The following LTO1 variants were observed in gnomAD, a reference collection of about 807,000 sequenced individuals.
The protein encoded by LTO1 is LTO1 maturation factor of ABCE1, also known as protein LTO1 homolog.
Under a neutral mutation model 19.8 loss-of-function variants are expected in LTO1, and 18 were observed. The observed-to-expected ratio is 0.91, with a 90% CI of 0.63 to 1.35. The LOEUF is 1.35. Ranked by LOEUF, LTO1 falls within the 40% of genes most tolerant of loss-of-function variation. LTO1 has a pLI of 0.00. For synonymous variants in LTO1, 59 were observed against 59.6 expected (o/e 0.99, Z 0.05); for missense variants, 175 against 167.9 (o/e 1.04, Z -0.23).
At position 69,671,752 on chromosome 11, in the gene LTO1, T is replaced by C; in HGVS notation, c.224A>G (p.Asp75Gly). The change falls in exon 3 of 5, where the codon GAC becomes GGC. Residue 75 changes from aspartate (D) to glycine (G), a missense_variant. Asp to Gly is a moderately conservative substitution (Grantham distance 94). Coordinates refer to ENST00000279147, the MANE Select transcript of LTO1 (RefSeq NM_153451.3). ...AGAAAGACATCTCCACCTTTACCTG[T>C]CCTTCTCAGTGGTGCAACTGTGCAG... ...CLLHSCTTEK[D>G]SRKMKVLESL... 1.3e-6 allele frequency: 2 copies of C among 1,576,364 alleles called. No individual in the cohort carries two copies. Among genetic ancestry groups the C allele is most frequent in the South Asian group, 2.2e-5 (2 of 90,332 alleles).
intron 3 of LTO1, among the ~76,000 whole-genome samples, chr11:69,669,549 G>A (rs1856078658): frequency 6.6e-6 from 1 of 152,208 alleles, no homozygotes; most frequent in Admixed American, 6.5e-5. Context: ...CAAAACGTGG[G>A]AGGTGGCTGT....
chr11:69,668,455 C>T, intron 3 of LTO1: 1 of 161,362 alleles, frequency 6.2e-6, no homozygotes, highest in Non-Finnish European at 1.4e-5. Context: ...GCAAACCCCT[C>T]CCTCCAAAGG....
intron 3 of LTO1, chr11:69,668,215 A>G: frequency 1.9e-6 from 1 of 522,148 alleles, no homozygotes; most frequent in Non-Finnish European, 3.5e-6. Context: ...GTGCCTCGAC[A>G]GCAAGTGTGT....
At chr11:69,672,992 G>A in intron 2 of LTO1, 1 of 561,778 alleles carries the variant, frequency 1.8e-6, no homozygotes, top group Non-Finnish European at 3.3e-6. Flanking sequence ...AGTAGAGACA[G>A]GGTTTCACCA....
intron 3 of LTO1, among the ~76,000 whole-genome samples, chr11:69,669,672 C>T (rs575584403): frequency 2.6e-5 from 4 of 152,310 alleles, no homozygotes; most frequent in African/African-American, 9.6e-5. Context: ...AGGCGGCACA[C>T]GTCAGGCAGG....
Position 69,673,197 on chromosome 11 carries a change from G to C in LTO1, c.156+19C>G, listed in dbSNP as rs779808865. The C allele has an allele frequency of 7.6e-7, 1 of 1,317,432 alleles. No individual in the cohort carries two copies. Among genetic ancestry groups the C allele is most frequent in the South Asian group, 1.2e-5 (1 of 85,196 alleles). The allele number at this position is 1,317,432 out of a possible 1,614,324, so 81.6% of individuals were successfully genotyped here. ...TGTAAATGAAGAGGCTTCATCTCCA[G>C]ATGGGGGTTCCCACTTACCTCAGAC... On this transcript the variant is annotated intron_variant, in intron 2 of 4. Coordinates refer to ENST00000279147, the MANE Select transcript of LTO1 (RefSeq NM_153451.3).
intron 3 of LTO1, among the ~76,000 whole-genome samples, chr11:69,669,177 G>A (rs1233956204): frequency 1.3e-5 from 2 of 152,078 alleles, no homozygotes; most frequent in Non-Finnish European, 2.9e-5. Context: ...ATCCACACAT[G>A]TGTACATCTC....
intron 2 of LTO1, chr11:69,672,813 AT>A (rs1241342453): frequency 1.6e-5 from 5 of 307,880 alleles, no homozygotes; most frequent in African/African-American, 6.5e-5. Flanking sequence ...TTTTTTGTTT[AT>A]TTTTTGGAGA....
At chr11:69,670,694 A>C (rs927988994) in intron 3 of LTO1, among the ~76,000 whole-genome samples, 6 of 151,918 alleles carry the variant, frequency 3.9e-5, no homozygotes, top group Non-Finnish European at 8.8e-5. Context: ...AGAGTTACCC[A>C]CTCTCCTTGT....
intron 1 of LTO1, among the ~76,000 whole-genome samples, chr11:69,673,616 T>C (rs1464056683): frequency 1.3e-5 from 2 of 151,722 alleles, no homozygotes; most frequent in African/African-American, 4.8e-5. Flanking sequence ...TTCAAAGATA[T>C]TAACTCAAAA....
chr11:69,673,909 T>C (rs1048124224), intron 1 of LTO1, among the ~76,000 whole-genome samples: 3 of 151,838 alleles, frequency 2.0e-5, no homozygotes, highest in Non-Finnish European at 2.9e-5. Flanking sequence ...CAGGCTGGAG[T>C]GCAGTGGTGC....
intron 1 of LTO1, chr11:69,674,899 G>A: frequency 3.0e-6 from 2 of 666,322 alleles, no homozygotes; most frequent in Non-Finnish European, 5.5e-6. Flanking sequence ...AGAGGACGAG[G>A]CGGCCTCGGA....
chr11:69,673,476 C>A, intron 1 of LTO1, 155 bp from the exon 2 acceptor site: 1 of 596,720 alleles, frequency 1.7e-6, no homozygotes. Flanking sequence ...GATTCCAGTC[C>A]CAGATCTACC....
chr11:69,668,149 T>C, intron 3 of LTO1, 137 bp from the exon 4 acceptor site: 1 of 657,160 alleles, frequency 1.5e-6, no homozygotes, highest in Admixed American at 2.3e-5. Flanking sequence ...ATGATTATTT[T>C]CTCATTACAC....
intron 1 of LTO1, chr11:69,674,585 G>GT (rs2074309341): frequency 2.8e-6 from 1 of 360,846 alleles, no homozygotes; most frequent in Admixed American, 3.7e-5. Context: ...AGGGTGGAAC[G>GT]TTTAGCTCAG....
In LTO1 at chr11:69,667,362, A is replaced by T; in HGVS notation, c.*157T>A. 1.6e-6 allele frequency: 1 copy of T among 622,818 alleles called. No individual in the cohort carries two copies. 38.6% of individuals were successfully genotyped at this position (622,818 alleles called of 1,614,324 possible). A position where few individuals can be genotyped will look rare whatever the true frequency, so the allele number is the denominator to read the frequency against. On this transcript the variant is annotated 3_prime_UTR_variant, in exon 5 of 5. Coordinates refer to ENST00000279147, the MANE Select transcript of LTO1 (RefSeq NM_153451.3). ...GGGCACCAAGGTGACACAGGCAGAA[A>T]ACCCCAGGGAAGGAAGCCCTCCCAC... is the stretch of plus-strand genomic sequence containing the variant.
At chr11:69,669,175 A>G (rs1856073956) in intron 3 of LTO1, among the ~76,000 whole-genome samples, 1 of 152,136 alleles carries the variant, frequency 6.6e-6, no homozygotes, top group African/African-American at 2.4e-5. Context: ...TAATCCACAC[A>G]TGTGTACATC....
intron 3 of LTO1, 62 bp from the exon 4 acceptor site, chr11:69,668,074 C>G: frequency 6.2e-6 from 5 of 811,864 alleles, no homozygotes; most frequent in Non-Finnish European, 1.1e-5. Context: ...ACTTACACAA[C>G]AGCTATGCTG....
Position 69,667,523 on chromosome 11 carries a change from A to T in LTO1, c.410T>A (p.Phe137Tyr). ...GTCTCTGTTCATCCATCCTCCTCAA[A>T]ATGAAAGTCCGGAACCTTCTGCACT... ...KISAEGSGLS[F>Y] Residue 137 changes from phenylalanine (F) to tyrosine (Y), a missense_variant, in exon 5 of 5, where the codon TTT becomes TAT. Physicochemically the swap from Phe to Tyr is conservative, Grantham distance 22. Transcript: ENST00000279147. 1 of 1,604,408 alleles carries T rather than the reference A, an allele frequency of 6.2e-7. No individual in the cohort carries two copies. The highest frequency in any genetic ancestry group is 8.5e-7 in the Non-Finnish European group (1 of 1,171,138).
Sources: allele counts gnomAD v4.1 joint callset (sites outside exome capture counted in the v4.1 genomes callset), GRCh38; gene constraint gnomAD v4.1.1; transcripts MANE v1.5; gene names NCBI Gene and HGNC (gene_info 2026-07-23, HGNC 2026-07-21).